Variants in ABCB4 observed in about 807,000 individuals in gnomAD.
ABCB4 encodes phosphatidylcholine translocator ABCB4.
ABCB4 carries 76 observed loss-of-function variants against 145.7 expected under a neutral mutation model. That is an observed-to-expected ratio of 0.52 (90% CI 0.43 to 0.63). The LOEUF (loss-of-function observed/expected upper bound fraction) is 0.63, where lower values mean the gene tolerates loss of function less well. Ranked by LOEUF, ABCB4 falls within the 30% of genes least tolerant of loss-of-function variation. ABCB4 has a pLI of 0.00. For synonymous variants in ABCB4, 517 were observed against 566.8 expected, an observed-to-expected ratio of 0.91 and a Z score of 1.25; for missense variants, 1,234 against 1,553.1, an observed-to-expected ratio of 0.79 and a Z score of 3.45.
intron 3 of ABCB4, among the ~76,000 whole-genome samples, chr7:87,465,577 G>T (rs953393202): frequency 1.3e-5 from 2 of 152,182 alleles, no homozygotes; most frequent in Non-Finnish European, 2.9e-5. Context: ...CAGCATTTGA[G>T]ATCTGAGAAT....
At chr7:87,458,816 T>G (rs2116866933) in intron 4 of ABCB4, among the ~76,000 whole-genome samples, 1 of 152,270 alleles carries the variant, frequency 6.6e-6, no homozygotes, top group Non-Finnish European at 1.5e-5. Flanking sequence ...CAGGAGTGTT[T>G]ATAATTCGGA....
At chr7:87,465,959 C>T (rs1024542857) in intron 3 of ABCB4, among the ~76,000 whole-genome samples, 5 of 152,130 alleles carry the variant, frequency 3.3e-5, no homozygotes, top group Admixed American at 1.3e-4. Context: ...AAAAACAGAA[C>T]AGAAAAACTG....
chr7:87,438,379 AG>A (rs1192978282), intron 14 of ABCB4, among the ~76,000 whole-genome samples: 1 of 152,212 alleles, frequency 6.6e-6, no homozygotes, highest in African/African-American at 2.4e-5. Context: ...ACACAAAAGC[AG>A]TATAATTCAG....
intron 3 of ABCB4, among the ~76,000 whole-genome samples, chr7:87,468,080 C>T (rs1236714003): frequency 6.6e-6 from 1 of 152,116 alleles, no homozygotes; most frequent in African/African-American, 2.4e-5. Context: ...ACATAAAAAA[C>T]CCTTCAAAAA....
chr7:87,410,198 G>A (rs988097452), intron 23 of ABCB4, among the ~76,000 whole-genome samples: 1 of 151,832 alleles, frequency 6.6e-6, no homozygotes, highest in Non-Finnish European at 1.5e-5. Context: ...AAGGGCTAAA[G>A]ATCCTGAGAT....
In ABCB4 at chr7:87,450,947, AT is replaced by A. The variant is rs1369727967; in HGVS notation, c.708+675del. Among the ~76,000 whole-genome samples, 261 of 152,338 alleles carry A rather than the reference AT, an allele frequency of 1.7e-3. 6 individuals are homozygous for A. Among genetic ancestry groups the A allele is most frequent in the Non-Finnish European group, 1.3e-4 (9 of 68,030 alleles). Reference sequence around the variant, plus strand: ...ACTCTGAAGTGTTGGCTAAAGTAGAATACATTTTGTGTATTTTATTGCCAGG... The same window carrying A: ...ACTCTGAAGTGTTGGCTAAAGTAGAAACATTTTGTGTATTTTATTGCCAGG... On this transcript the variant is annotated intron_variant, in intron 7 of 27. Transcript: ENST00000649586.
At chr7:87,475,881 C>G (rs1454210657), upstream of ABCB4, 4 of 152,420 alleles carry the variant, frequency 2.6e-5, no homozygotes, top group African/African-American at 9.7e-5. Context: ...CTCTTGCCGC[C>G]GGGGCGCCCG....
chr7:87,441,031 G>C (rs1810949574), intron 12 of ABCB4, among the ~76,000 whole-genome samples: 1 of 152,150 alleles, frequency 6.6e-6, no homozygotes, highest in African/African-American at 2.4e-5. Context: ...ACAGGCATGA[G>C]CCACTGCGCC....
chr7:87,444,501 C>G (rs560529116), intron 10 of ABCB4, among the ~76,000 whole-genome samples: 1 of 152,012 alleles, frequency 6.6e-6, no homozygotes. Flanking sequence ...TTGGTCCCAC[C>G]GATAATTTAT....
intron 16 of ABCB4, among the ~76,000 whole-genome samples, chr7:87,425,197 A>G (rs1352924424): frequency 1.3e-5 from 2 of 152,116 alleles, no homozygotes; most frequent in African/African-American, 2.4e-5. Flanking sequence ...TTTTCTCCCT[A>G]TGATGGTACT....
chr7:87,387,752 G>C, the ABCB4 span, among the ~76,000 whole-genome samples: 1 of 152,164 alleles, frequency 6.6e-6, no homozygotes, highest in African/African-American at 2.4e-5. Flanking sequence ...AGGAGTTCGA[G>C]ACTAGCCTGG....
intron 14 of ABCB4, among the ~76,000 whole-genome samples, chr7:87,436,012 C>T (rs1810579612): frequency 1.3e-5 from 2 of 152,118 alleles, no homozygotes; most frequent in African/African-American, 2.4e-5. Flanking sequence ...GGAAGAAAGA[C>T]ATTTTACTTA....
intron 16 of ABCB4, among the ~76,000 whole-genome samples, chr7:87,424,358 C>T (rs1311651229): frequency 2.0e-5 from 3 of 152,152 alleles, no homozygotes; most frequent in Non-Finnish European, 2.9e-5. Flanking sequence ...CCTTGGCATC[C>T]AGCTCTGGAG....
chr7:87,420,023 A>G lies in ABCB4; in HGVS notation c.2369T>C (p.Met790Thr). The stretch of plus-strand genomic sequence containing the variant: ...CTGTCTTAGCATTGCTTTAAAAGCC[A>G]TTGACCGCAGTCTTCTGGTGAGGAT... ...GEILTRRLRS[M>T]AFKAMLRQDM... The change falls in exon 19 of 28, where the codon ATG (methionine) becomes ACG (threonine). Residue 790 changes from methionine to threonine, a missense_variant. By Grantham distance (81) the Met-to-Thr change is moderately conservative. Around this residue, in one of 7 missense-constraint regions of ABCB4, gnomAD observed 321 missense variants for 332.6 expected, o/e 0.97. Transcript: ENST00000649586. The G allele has an allele frequency of 1.2e-6, 2 of 1,614,176 alleles. No homozygotes were observed. The highest frequency in any genetic ancestry group is 1.1e-5 in the South Asian group (1 of 91,076).
the ABCB4 span, among the ~76,000 whole-genome samples, chr7:87,381,284 T>C: frequency 6.6e-6 from 1 of 152,168 alleles, no homozygotes; most frequent in African/African-American, 2.4e-5. Flanking sequence ...TTCTTCAAAA[T>C]AGATGATGGG....
rs749696908 is a variant in ABCB4 at position 87,424,014 on chromosome 7, C to T, written c.2103G>A (p.Leu701=). ...NVPPVSFLKV[L]KLNKTEWPYF... is the part of the protein sequence containing the mutation. Reference sequence around the variant, plus strand: ...AGGGCCATTCTGTTTTATTCAGTTTCAGGACCTTCAGAAAGGACACTGGTG... The same window carrying T: ...AGGGCCATTCTGTTTTATTCAGTTTTAGGACCTTCAGAAAGGACACTGGTG... Residue 701 remains leucine (L), a synonymous_variant, in exon 17 of 28, where the codon CTG becomes CTA. Coordinates refer to ENST00000649586, the MANE Select transcript of ABCB4 (RefSeq NM_000443.4). The T allele has an allele frequency of 4.3e-6, 7 of 1,614,068 alleles. No individual in the cohort carries two copies. The highest frequency in any genetic ancestry group is 5.9e-6 in the Non-Finnish European group (7 of 1,179,958).
rs200949614 is a variant in ABCB4 at position 87,423,926 on chromosome 7, T to C, written c.2191A>G (p.Ile731Val). ...CTTACCGCTATGATCTCTGAGAATATGACTGAAAATGCCGGCTGAAGCCCC... is the reference window on the plus strand; with the variant it reads ...CTTACCGCTATGATCTCTGAGAATACGACTGAAAATGCCGGCTGAAGCCCC... ...NGGLQPAFSV[I>V]FSEIIAIFGP... is the part of the protein sequence containing the mutation. The change falls in exon 17 of 28, where the codon ATA becomes GTA. Residue 731 changes from isoleucine (I) to valine (V), a missense_variant. By Grantham distance (29) the Ile-to-Val change is conservative. Around this residue, in one of 7 missense-constraint regions of ABCB4, gnomAD observed 321 missense variants for 332.6 expected, o/e 0.97. Coordinates refer to ENST00000649586, the MANE Select transcript of ABCB4 (RefSeq NM_000443.4). 6.2e-7 allele frequency: 1 copy of C among 1,613,974 alleles called. No homozygotes were observed. Among genetic ancestry groups the C allele is most frequent in the Admixed American group, 1.7e-5 (1 of 60,002 alleles).
chr7:87,392,822 A>C, the ABCB4 span: 1 of 1,612,724 alleles, frequency 6.2e-7, no homozygotes, highest in East Asian at 2.2e-5. Context: ...TTTTTCCAAA[A>C]GGTAATATAG....
chr7:87,406,107 A>C (rs1482602474), intron 26 of ABCB4, 181 bp downstream of exon 26: 16 of 652,828 alleles, frequency 2.5e-5, no homozygotes, highest in Non-Finnish European at 3.5e-5. Flanking sequence ...CATTTGTATG[A>C]GGTAGGCATA....
Sources: gnomAD v4.1 joint callset for allele counts (sites outside exome capture counted in the v4.1 genomes callset) on GRCh38, gnomAD v4.1.1 for gene constraint, gnomAD v4.1.1 regional missense constraint, MANE v1.5 for transcripts, NCBI Gene and HGNC (gene_info 2026-07-23, HGNC 2026-07-21) for gene names.